The following RNF220 variants were observed in gnomAD, a reference collection of about 807,000 sequenced individuals.
RNF220 encodes E3 ubiquitin-protein ligase RNF220.
Under a neutral mutation model 67.1 loss-of-function variants are expected in RNF220, and 7 were observed. The observed-to-expected ratio is 0.10, with a 90% CI of 0.06 to 0.20. The LOEUF (loss-of-function observed/expected upper bound fraction) is 0.20, where lower values mean the gene tolerates loss of function less well. Ranked by LOEUF, RNF220 falls within the 10% of genes least tolerant of loss-of-function variation. RNF220 has a pLI of 1.00. For synonymous variants in RNF220, 270 were observed against 283.2 expected, an observed-to-expected ratio of 0.95 and a Z score of 0.47; for missense variants, 565 against 740.3, an observed-to-expected ratio of 0.76 and a Z score of 2.75.
At chr1:44,559,528 G>A (rs1210382749) in intron 2 of RNF220, among the ~76,000 whole-genome samples, 1 of 152,250 alleles carries the variant, frequency 6.6e-6, no homozygotes, top group African/African-American at 2.4e-5. Context: ...GAGGAAGGGA[G>A]GGCGGCGGCA....
Position 44,649,815 on chromosome 1 carries a change from C to T in RNF220, c.1554+46C>T. The T allele has an allele frequency of 4.3e-6, 7 of 1,613,244 alleles. No individual in the cohort carries two copies. The highest frequency in any genetic ancestry group is 5.9e-6 in the Non-Finnish European group (7 of 1,179,266). On this transcript the variant is annotated intron_variant, in intron 13 of 14. Transcript: ENST00000361799. The surrounding 1 kb of genome is among the most constrained non-coding windows in gnomAD (Gnocchi z 5.9). Reference sequence around the variant, plus strand: ...GGGTGCCCTTGGTCAGGCTTCCACGCCCTCTGGGGGAGTTGGAGAGGGTGG... The same window carrying T: ...GGGTGCCCTTGGTCAGGCTTCCACGTCCTCTGGGGGAGTTGGAGAGGGTGG...
intron 2 of RNF220, among the ~76,000 whole-genome samples, chr1:44,524,103 T>TG (rs5773839): frequency 0.22 from 29,902 of 136,518 alleles, 3,126 homozygotes; most frequent in Admixed American, 0.25. Flanking sequence ...CAAATGTGAA[T>TG]GGGGGGATGC....
At chr1:44,630,067 T>G (rs1368758871) in intron 5 of RNF220, among the ~76,000 whole-genome samples, 2 of 152,218 alleles carry the variant, frequency 1.3e-5, no homozygotes, top group Non-Finnish European at 2.9e-5. Context: ...GTCACTGAGC[T>G]AGGCCTTGAA....
At chr1:44,547,442 T>C (rs1662261114) in intron 2 of RNF220, among the ~76,000 whole-genome samples, 1 of 152,168 alleles carries the variant, frequency 6.6e-6, no homozygotes, top group Non-Finnish European at 1.5e-5. Context: ...CGCCTAACCC[T>C]GCGGTCACCC....
intron 2 of RNF220, among the ~76,000 whole-genome samples, chr1:44,569,723 G>A (rs1455923953): frequency 6.6e-6 from 1 of 152,206 alleles, no homozygotes; most frequent in Non-Finnish European, 1.5e-5. Flanking sequence ...CTGGTGGGAA[G>A]GGGTGTGGGG....
Position 44,645,562 on chromosome 1 carries a change from C to T in RNF220, c.1445+74C>T. On this transcript the variant is annotated intron_variant, in intron 12 of 14. Coordinates refer to ENST00000361799, the MANE Select transcript of RNF220 (RefSeq NM_018150.4). This position sits in a 1 kb window ranked among gnomAD's most constrained non-coding sequence, Gnocchi z 5.0. Reference sequence around the variant, plus strand: ...GAGGGGCCCTTTGCTAGCAGGAAGGCCTGCTGCCAGGGCTTCTGGCCCTCC... The same window carrying T: ...GAGGGGCCCTTTGCTAGCAGGAAGGTCTGCTGCCAGGGCTTCTGGCCCTCC... 1 of 1,488,132 alleles carries T rather than the reference C, an allele frequency of 6.7e-7. No homozygotes were observed. Among genetic ancestry groups the T allele is most frequent in the East Asian group, 2.4e-5 (1 of 42,446 alleles). The allele number at this position is 1,488,132 out of a possible 1,614,324, so 92.2% of individuals were successfully genotyped here.
chr1:44,576,614 G>A (rs916636147), intron 2 of RNF220, among the ~76,000 whole-genome samples: 2 of 152,064 alleles, frequency 1.3e-5, no homozygotes, highest in African/African-American at 2.4e-5. Flanking sequence ...AGTGTAAACC[G>A]GATTTGCCTT....
rs372982133 is a variant in RNF220 at position 44,645,239 on chromosome 1, G to C, written c.1329G>C (p.Thr443=). ...GAVLNGGPPS[T]RITPEFSKWA... Reference sequence around the variant, plus strand: ...CCTCCAGTGGCGGCCCTCCCAGCACGCGCATCACACCTGAGTTCTCTAAAT... The same window carrying C: ...CCTCCAGTGGCGGCCCTCCCAGCACCCGCATCACACCTGAGTTCTCTAAAT... The change falls in exon 11 of 15, where the codon ACG becomes ACC. Residue 443 remains threonine, a synonymous_variant. Coordinates refer to ENST00000361799, the MANE Select transcript of RNF220 (RefSeq NM_018150.4). This position sits in a 1 kb window ranked among gnomAD's most constrained non-coding sequence, Gnocchi z 5.0. 1 of 1,613,848 alleles carries C rather than the reference G, an allele frequency of 6.2e-7. No homozygotes were observed. The highest frequency in any genetic ancestry group is 1.1e-5 in the South Asian group (1 of 91,080).
chr1:44,590,236 G>T (rs1292712008), intron 2 of RNF220, among the ~76,000 whole-genome samples: 1 of 152,226 alleles, frequency 6.6e-6, no homozygotes, highest in Non-Finnish European at 1.5e-5. Context: ...AGCCTTCCAG[G>T]CAATCACTCA....
intron 2 of RNF220, among the ~76,000 whole-genome samples, chr1:44,494,752 T>C (rs1293908752): frequency 6.6e-6 from 1 of 152,236 alleles, no homozygotes; most frequent in East Asian, 1.9e-4. Context: ...ACTTTTGCTC[T>C]TTCTTTTGGT....
intron 2 of RNF220, among the ~76,000 whole-genome samples, chr1:44,456,264 G>A (rs1422725333): frequency 6.6e-6 from 1 of 152,114 alleles, no homozygotes; most frequent in Admixed American, 6.5e-5. Context: ...ATGAAGTAAG[G>A]TAACTGCATG....
chr1:44,639,507 G>T (rs1422337913), intron 8 of RNF220, among the ~76,000 whole-genome samples: 2 of 152,240 alleles, frequency 1.3e-5, no homozygotes, highest in Non-Finnish European at 2.9e-5. Context: ...GAAGCCTGCA[G>T]CTGTATCTTT....
At chr1:44,474,091 TA>T (rs1401109845) in intron 2 of RNF220, among the ~76,000 whole-genome samples, 2 of 151,934 alleles carry the variant, frequency 1.3e-5, no homozygotes, top group African/African-American at 4.8e-5. Flanking sequence ...ATAATAATAA[TA>T]GACCGGGTGT....
At chr1:44,509,855 C>T (rs1021254928) in intron 2 of RNF220, among the ~76,000 whole-genome samples, 1 of 123,210 alleles carries the variant, frequency 8.1e-6, no homozygotes, top group African/African-American at 3.1e-5. Flanking sequence ...CCACTGTACT[C>T]CAGCCTGGGT....
intron 2 of RNF220, among the ~76,000 whole-genome samples, chr1:44,505,899 C>T (rs959326675): frequency 5.3e-5 from 8 of 152,120 alleles, no homozygotes; most frequent in East Asian, 1.9e-4. Flanking sequence ...TCCCCTCCCC[C>T]CATGCCCTGC....
chr1:44,611,562 C>A (rs1643309317), intron 2 of RNF220, among the ~76,000 whole-genome samples: 1 of 152,168 alleles, frequency 6.6e-6, no homozygotes, highest in African/African-American at 2.4e-5. Flanking sequence ...ATTATCTGTT[C>A]CAGCAACCTG....
Position 44,606,542 on chromosome 1 carries a change from C to G in RNF220, c.626-7623C>G, listed in dbSNP as rs1310466422. Among the ~76,000 whole-genome samples the G allele has an allele frequency of 6.6e-6, 1 of 152,190 alleles. No homozygotes were observed. Among genetic ancestry groups the G allele is most frequent in the Non-Finnish European group, 1.5e-5 (1 of 68,040 alleles). ...CCTTGACCTCTCAACAGCATTTGAC[C>G]TTACTGAGGACAGTAGAGTCCTTGC... On this transcript the variant is annotated intron_variant, in intron 2 of 14. Transcript: ENST00000361799. This position sits in a 1 kb window ranked among gnomAD's most constrained non-coding sequence, Gnocchi z 4.2.
chr1:44,622,851 C>T lies in RNF220; in HGVS notation c.804+64C>T. The T allele has an allele frequency of 7.0e-7, 1 of 1,419,200 alleles. No individual in the cohort carries two copies. Among genetic ancestry groups the T allele is most frequent in the African/African-American group, 1.4e-5 (1 of 70,396 alleles). The allele number at this position is 1,419,200 out of a possible 1,614,324, so 87.9% of individuals were successfully genotyped here. A position where few individuals can be genotyped will look rare whatever the true frequency, so the allele number is the denominator to read the frequency against. ...AACCTAGGCCTACCCAGAACTGGTTCCTCCTGAGAAAAAGGAGCTTTTCTA... is the reference window on the plus strand; with the variant it reads ...AACCTAGGCCTACCCAGAACTGGTTTCTCCTGAGAAAAAGGAGCTTTTCTA... On this transcript the variant is annotated intron_variant, in intron 4 of 14. Coordinates refer to ENST00000361799, the MANE Select transcript of RNF220 (RefSeq NM_018150.4). This position sits in a 1 kb window ranked among gnomAD's most constrained non-coding sequence, Gnocchi z 4.3.
intron 2 of RNF220, among the ~76,000 whole-genome samples, chr1:44,484,094 G>A (rs1281905043): frequency 6.6e-6 from 1 of 152,062 alleles, no homozygotes; most frequent in African/African-American, 2.4e-5. Context: ...AGGTGGGGTC[G>A]AGGCATCTCA....
Sources: gnomAD v4.1 joint callset for allele counts (sites outside exome capture counted in the v4.1 genomes callset) on GRCh38, gnomAD v4.1.1 for gene constraint, Gnocchi (gnomAD v3.1) non-coding constraint, MANE v1.5 for transcripts, NCBI Gene and HGNC (gene_info 2026-07-23, HGNC 2026-07-21) for gene names.